The following BAZ1B variants were observed in gnomAD, a reference collection of about 807,000 sequenced individuals.
The protein encoded by BAZ1B is bromodomain adjacent to zinc finger domain 1B.
BAZ1B carries 22 observed loss-of-function variants against 153.8 expected under a neutral mutation model. That is an observed-to-expected ratio of 0.14 (90% confidence interval 0.10 to 0.20). The LOEUF (loss-of-function observed/expected upper bound fraction) is 0.20, where lower values mean the gene tolerates loss of function less well. Ranked by LOEUF, BAZ1B falls within the 10% of genes least tolerant of loss-of-function variation. The probability of loss-of-function intolerance (pLI) is 1.00; values close to 1 mark genes in which losing one functional copy is unlikely to be tolerated. For missense variants in BAZ1B, 1,325 were observed against 1,799.3 expected, an observed-to-expected ratio of 0.74 and a Z score of 4.77; for synonymous variants, 676 against 633.4, an observed-to-expected ratio of 1.07 and a Z score of -1.01.
intron 17 of BAZ1B, among the ~76,000 whole-genome samples, 154 bp from the exon 18 acceptor site, chr7:73,442,982 A>G (rs1484434539): frequency 6.6e-6 from 1 of 152,242 alleles, no homozygotes; most frequent in Non-Finnish European, 1.5e-5. Context: ...CAAGTCAGGG[A>G]GCACCCTCGG....
At chr7:73,447,721 A>G (rs111311113) in intron 15 of BAZ1B, among the ~76,000 whole-genome samples, 14 of 152,328 alleles carry the variant, frequency 9.2e-5, no homozygotes, top group African/African-American at 3.4e-4. Flanking sequence ...GAGCCAGATA[A>G]TGTAATACAT....
At chr7:73,487,041 C>G (rs963396697) in intron 6 of BAZ1B, among the ~76,000 whole-genome samples, 4 of 152,174 alleles carry the variant, frequency 2.6e-5, no homozygotes, top group East Asian at 3.8e-4. Context: ...ATGCCTTTAA[C>G]TTTGTAGACC....
At chr7:73,464,618 C>CTTA (rs372613221) in intron 11 of BAZ1B, among the ~76,000 whole-genome samples, 1,800 of 152,284 alleles carry the variant, frequency 0.012, 14 homozygotes, top group Non-Finnish European at 0.019. Context: ...ACTTCTTTTG[C>CTTA]TTAGCATGTT....
intron 11 of BAZ1B, among the ~76,000 whole-genome samples, chr7:73,463,839 C>T (rs569793724): frequency 6.6e-6 from 1 of 152,244 alleles, no homozygotes; most frequent in South Asian, 2.1e-4. Context: ...TACCTAGTAG[C>T]TGGGACTACA....
At chr7:73,474,206 C>T (rs1403302729) in intron 7 of BAZ1B, among the ~76,000 whole-genome samples, 4 of 151,964 alleles carry the variant, frequency 2.6e-5, no homozygotes, top group South Asian at 2.1e-4. Context: ...TTTCAAAAAA[C>T]GGCACTAGGA....
chr7:73,508,294 G>C, intron 3 of BAZ1B, 33 bp downstream of exon 3: 1 of 1,604,544 alleles, frequency 6.2e-7, no homozygotes, highest in Non-Finnish European at 8.5e-7. Context: ...TAATTCTGAT[G>C]GTAAGTCAAA....
chr7:73,515,971 C>G (rs1287788203), intron 1 of BAZ1B, among the ~76,000 whole-genome samples: 1 of 151,956 alleles, frequency 6.6e-6, no homozygotes, highest in East Asian at 1.9e-4. Context: ...ACGGTGAAAC[C>G]CCGTCTCTAC....
chr7:73,509,813 C>CAA (rs782401176), intron 2 of BAZ1B, among the ~76,000 whole-genome samples: 1 of 134,040 alleles, frequency 7.5e-6, no homozygotes, highest in African/African-American at 2.7e-5. Flanking sequence ...ATTAAACTAG[C>CAA]AAAAAAAAAA....
chr7:73,449,798 C>A, intron 14 of BAZ1B, 109 bp from the exon 15 acceptor site: 1 of 1,188,588 alleles, frequency 8.4e-7, no homozygotes. Context: ...GAGACATGTT[C>A]CATAGAATGC....
chr7:73,493,055 T>C (rs531814696), intron 4 of BAZ1B, 134 bp from the exon 5 acceptor site: 7 of 924,726 alleles, frequency 7.6e-6, no homozygotes, highest in Non-Finnish European at 1.1e-5. Flanking sequence ...AATCATAATG[T>C]CCTTAACTTC....
chr7:73,464,759 T>G (rs532448538), intron 11 of BAZ1B, among the ~76,000 whole-genome samples: 98 of 152,200 alleles, frequency 6.4e-4, no homozygotes, highest in Non-Finnish European at 1.3e-3. Context: ...AGCATCTCGC[T>G]CTCTCACCCA....
At chr7:73,457,833 G>A (rs1210714179) in intron 13 of BAZ1B, among the ~76,000 whole-genome samples, 1 of 152,136 alleles carries the variant, frequency 6.6e-6, no homozygotes, top group African/African-American at 2.4e-5. Flanking sequence ...CGAAGATACT[G>A]GAACAAGATC....
At chr7:73,451,631 G>C (rs1788029944) in intron 13 of BAZ1B, among the ~76,000 whole-genome samples, 2 of 152,144 alleles carry the variant, frequency 1.3e-5, no homozygotes, top group Admixed American at 6.6e-5. Flanking sequence ...TGAATAACAA[G>C]GATAAGTAAT....
Position 73,455,271 on chromosome 7 carries a change from G to GA in BAZ1B, c.3432+4264dup, listed in dbSNP as rs201494193. ...AAGCAGGGCTTTACCAGATCTTTGTGAAAAAAAAGGAAAGAAGGCAGGGAG... is the reference window on the plus strand; with the variant it reads ...AAGCAGGGCTTTACCAGATCTTTGTGAAAAAAAAAGGAAAGAAGGCAGGGAG... On this transcript the variant is annotated intron_variant, in intron 13 of 19. Coordinates refer to ENST00000339594, the MANE Select transcript of BAZ1B (RefSeq NM_032408.4). 4.9e-3 allele frequency among the ~76,000 whole-genome samples: 738 copies of GA among 151,498 alleles called. 8 individuals carry two copies. The highest frequency in any genetic ancestry group is 0.017 in the African/African-American group (705 of 41,336).
rs1156829240 is a variant in BAZ1B, at chr7:73,497,065, C to CAAAAAAAAAAAAAAAAAAAAAA, written c.571+1431_571+1432insTTTTTTTTTTTTTTTTTTTTTT. Among the ~76,000 whole-genome samples the CAAAAAAAAAAAAAAAAAAAAAA allele has an allele frequency of 5.1e-4, 25 of 49,482 alleles. 1 individual carries two copies. Among genetic ancestry groups the CAAAAAAAAAAAAAAAAAAAAAA allele is most frequent in the African/African-American group, 1.2e-3 (14 of 11,292 alleles). 32.5% of individuals were successfully genotyped at this position (49,482 alleles called of 152,430 possible). ...ACAACATCGTGAGAACTGACCTCTA[C>CAAAAAAAAAAAAAAAAAAAAAA]AAAAAAAAAAAAAAAAAACCTACAA... On this transcript the variant is annotated intron_variant, in intron 4 of 19. Coordinates refer to ENST00000339594, the MANE Select transcript of BAZ1B (RefSeq NM_032408.4).
At chr7:73,508,576 A>G in intron 2 of BAZ1B, 105 bp from the exon 3 acceptor site, 2 of 1,308,672 alleles carry the variant, frequency 1.5e-6, no homozygotes, top group Non-Finnish European at 2.1e-6. Context: ...AACATTTCAA[A>G]CATTTATCGC....
chr7:73,516,851 TGTAACTGTTCTG>T (rs199938733), intron 1 of BAZ1B, among the ~76,000 whole-genome samples: 1,905 of 150,280 alleles, frequency 0.013, 44 homozygotes, highest in African/African-American at 0.043. Flanking sequence ...TTTAAGTTTG[TGTAACTGTTCTG>T]GTAACTGTTC....
At chr7:73,500,996 C>T (rs187320257) in intron 3 of BAZ1B, among the ~76,000 whole-genome samples, 243 of 152,140 alleles carry the variant, frequency 1.6e-3, no homozygotes, top group African/African-American at 5.6e-3. Flanking sequence ...GTGGCTCACA[C>T]CTGTAATCCC....
chr7:73,452,635 T>C (rs1201595926), intron 13 of BAZ1B, among the ~76,000 whole-genome samples: 2 of 151,156 alleles, frequency 1.3e-5, no homozygotes, highest in African/African-American at 2.4e-5. Context: ...GGCAGGAGAA[T>C]TGCTTGAACC....
Sources: allele counts gnomAD v4.1 joint callset (sites outside exome capture counted in the v4.1 genomes callset), GRCh38; gene constraint gnomAD v4.1.1; transcripts MANE v1.5; gene names NCBI Gene and HGNC (gene_info 2026-07-23, HGNC 2026-07-21).